The following WAPL variants were observed in gnomAD, a reference collection of about 807,000 sequenced individuals.
The protein encoded by WAPL is wings apart-like protein homolog.
In WAPL, 5 loss-of-function variants were observed where a neutral mutation model predicts 121.0. That is an observed-to-expected ratio of 0.04 (90% CI 0.02 to 0.09). The LOEUF (loss-of-function observed/expected upper bound fraction) is 0.09, where lower values mean the gene tolerates loss of function less well. Ranked by LOEUF, WAPL falls within the 10% of genes least tolerant of loss-of-function variation. The pLI is 1.00. For missense variants in WAPL, 999 were observed against 1,410.8 expected (o/e 0.71, Z 4.68); for synonymous variants, 480 against 481.5 (o/e 1.00, Z 0.04).
intron 12 of WAPL, among the ~76,000 whole-genome samples, chr10:86,457,305 C>T (rs1475371891): frequency 8.8e-6 from 1 of 113,770 alleles, no homozygotes; most frequent in Non-Finnish European, 1.7e-5. Context: ...GCTGGGACAA[C>T]ATAGCAAGAC....
At chr10:86,481,694 T>A (rs936597028) in intron 4 of WAPL, among the ~76,000 whole-genome samples, 1 of 152,008 alleles carries the variant, frequency 6.6e-6, no homozygotes, top group African/African-American at 2.4e-5. Flanking sequence ...GTCTGTTTAT[T>A]TTTATATAAA....
rs116762091 is a variant in WAPL at position 86,478,195 on chromosome 10, C to T, written c.1645-4222G>A. ...CCATAATCCCAGCAAGTTGGGAGGCCAAGGGAGACAGATGTCTTGCGCCCA... is the reference window on the plus strand; with the variant it reads ...CCATAATCCCAGCAAGTTGGGAGGCTAAGGGAGACAGATGTCTTGCGCCCA... On this transcript the variant is annotated intron_variant, in intron 4 of 18. Coordinates refer to ENST00000298767, the MANE Select transcript of WAPL (RefSeq NM_015045.5). Among the ~76,000 whole-genome samples the T allele has an allele frequency of 3.4e-3, 518 of 151,582 alleles. 4 individuals carry two copies. The highest frequency in any genetic ancestry group is 9.3e-3 in the African/African-American group (385 of 41,296).
At chr10:86,488,432 A>G (rs1564579600) in intron 4 of WAPL, 1 of 152,268 alleles carries the variant, frequency 6.6e-6, no homozygotes, top group Non-Finnish European at 1.5e-5. Context: ...GGAACATCTT[A>G]GAATGTCAGT....
chr10:86,519,286 T>C (rs1347439483), intron 1 of WAPL, among the ~76,000 whole-genome samples: 1 of 152,204 alleles, frequency 6.6e-6, no homozygotes, highest in East Asian at 1.9e-4. Flanking sequence ...TTTCTACAGT[T>C]CAAACATGAA....
intron 17 of WAPL, among the ~76,000 whole-genome samples, chr10:86,441,470 G>A (rs1034220468): frequency 2.6e-5 from 4 of 151,878 alleles, no homozygotes; most frequent in African/African-American, 7.3e-5. Context: ...TGGCCAAGAT[G>A]AGAAGTCTAC....
intron 15 of WAPL, among the ~76,000 whole-genome samples, chr10:86,451,352 G>C (rs563423572): frequency 6.6e-6 from 1 of 152,032 alleles, no homozygotes; most frequent in Non-Finnish European, 1.5e-5. Context: ...TGCATTCTAA[G>C]CAGTGTACCT....
chr10:86,512,251 A>C (rs1408777259), intron 2 of WAPL, among the ~76,000 whole-genome samples: 1 of 152,216 alleles, frequency 6.6e-6, no homozygotes, highest in African/African-American at 2.4e-5. Context: ...CATCCCTCTA[A>C]CTTACACAAA....
intron 12 of WAPL, among the ~76,000 whole-genome samples, chr10:86,457,123 AT>A (rs1841167107): frequency 6.6e-6 from 1 of 152,212 alleles, no homozygotes; most frequent in Non-Finnish European, 1.5e-5. Flanking sequence ...AATCAGAAAC[AT>A]TTAACTTCAA....
At chr10:86,439,243 G>C (rs2132161397) in intron 17 of WAPL, among the ~76,000 whole-genome samples, 1 of 152,150 alleles carries the variant, frequency 6.6e-6, no homozygotes, top group South Asian at 2.1e-4. Context: ...GATGAATACA[G>C]CTTCAGAAAA....
At position 86,470,997 on chromosome 10, in the gene WAPL, G is replaced by A. The variant is rs1455344967; in HGVS notation, c.2137C>T (p.His713Tyr). The change falls in exon 8 of 19, where the codon CAT (histidine) becomes TAT (tyrosine). Residue 713 changes from histidine (H) to tyrosine (Y), a missense_variant. Transcript: ENST00000298767. ...CTCAGAAACTTAAAAAATACCTGATGGTGCTGGGAATCATCCAAGGTTTTA... is the reference window on the plus strand; with the variant it reads ...CTCAGAAACTTAAAAAATACCTGATAGTGCTGGGAATCATCCAAGGTTTTA... Reference protein sequence around the residue: ...VFKTLDDSQHHQNLSLCTAAL... With the variant: ...VFKTLDDSQHYQNLSLCTAAL... 1 of 1,612,378 alleles carries A rather than the reference G, an allele frequency of 6.2e-7. No individual in the cohort carries two copies. The highest frequency in any genetic ancestry group is 1.7e-5 in the Admixed American group (1 of 59,940).
Position 86,500,185 on chromosome 10 carries a change from C to G in WAPL, c.1058G>C (p.Gly353Ala). 6.2e-7 allele frequency: 1 copy of G among 1,614,142 alleles called. No homozygotes were observed. Among genetic ancestry groups the G allele is most frequent in the Non-Finnish European group, 8.5e-7 (1 of 1,180,016 alleles). The change falls in exon 3 of 19, where the codon GGA becomes GCA. Residue 353 changes from glycine to alanine, a missense_variant. Gly to Ala is a moderately conservative substitution (Grantham distance 60). Transcript: ENST00000298767. ...SCGTSFRGTV[G>A]RTRDYTVLHP... Reference sequence around the variant, plus strand: ...TAAAACAGTGTAATCTCTAGTCCGTCCAACTGTCCCTCTAAAACTGGTCCC... The same window carrying G: ...TAAAACAGTGTAATCTCTAGTCCGTGCAACTGTCCCTCTAAAACTGGTCCC...
At chr10:86,466,053 A>C (rs527261128) in intron 9 of WAPL, among the ~76,000 whole-genome samples, 7 of 152,348 alleles carry the variant, frequency 4.6e-5, no homozygotes, top group African/African-American at 1.2e-4. Context: ...AGCCAGAAGA[A>C]GGCAAAACTG....
chr10:86,452,772 G>A (rs1401841051), intron 14 of WAPL, among the ~76,000 whole-genome samples: 1 of 151,592 alleles, frequency 6.6e-6, no homozygotes, highest in Non-Finnish European at 1.5e-5. Flanking sequence ...AGACGCAATA[G>A]CTCATACCTG....
intron 4 of WAPL, among the ~76,000 whole-genome samples, chr10:86,495,952 T>C (rs966225024): frequency 6.6e-6 from 1 of 151,952 alleles, no homozygotes; most frequent in Non-Finnish European, 1.5e-5. Flanking sequence ...CCATCTCTAC[T>C]AAAAATACAA....
chr10:86,473,302 T>C lies in WAPL; in HGVS notation c.1741-538A>G, dbSNP rs143748686. On this transcript the variant is annotated intron_variant, in intron 5 of 18. Transcript: ENST00000298767. ...ACATTATACTTTAGAAAGACTTCTA[T>C]CCCCAAATTTCTTATTGTTATAAAG... Among the ~76,000 whole-genome samples, 1,133 of 152,298 alleles carry C rather than the reference T, an allele frequency of 7.4e-3. 16 individuals are homozygous for C. Among genetic ancestry groups the C allele is most frequent in the African/African-American group, 0.026 (1,072 of 41,564 alleles).
intron 15 of WAPL, among the ~76,000 whole-genome samples, chr10:86,448,609 T>G (rs1300132268): frequency 6.6e-6 from 1 of 152,120 alleles, no homozygotes. Context: ...TAAAACACAT[T>G]GCACATTTTT....
chr10:86,495,986 T>C (rs1378354535), intron 4 of WAPL, among the ~76,000 whole-genome samples: 1 of 152,068 alleles, frequency 6.6e-6, no homozygotes, highest in South Asian at 2.1e-4. Flanking sequence ...TGGTGTCACA[T>C]GCGTGTAATC....
chr10:86,508,450 C>T (rs967885850), intron 2 of WAPL, among the ~76,000 whole-genome samples: 2 of 152,080 alleles, frequency 1.3e-5, no homozygotes, highest in Admixed American at 1.3e-4. Context: ...CCCTCACATC[C>T]CTCTAGCTGC....
chr10:86,451,300 G>A (rs1353857238), intron 15 of WAPL, among the ~76,000 whole-genome samples: 1 of 151,754 alleles, frequency 6.6e-6, no homozygotes, highest in African/African-American at 2.4e-5. Context: ...CTTAAGGAGT[G>A]ATTATAACAG....
Sources: gnomAD v4.1 joint callset for allele counts (sites outside exome capture counted in the v4.1 genomes callset) on GRCh38, gnomAD v4.1.1 for gene constraint, MANE v1.5 for transcripts, NCBI Gene and HGNC (gene_info 2026-07-23, HGNC 2026-07-21) for gene names.